Variants in ADGRL3 observed in about 807,000 individuals in gnomAD.
The protein encoded by ADGRL3 is adhesion G protein-coupled receptor L3.
In ADGRL3, 62 loss-of-function variants were observed where a neutral mutation model predicts 153.5. The ratio of observed to expected loss-of-function variants is 0.40; its 90% CI spans 0.33 to 0.50. The LOEUF is 0.50. Ranked by LOEUF, ADGRL3 falls within the 20% of genes least tolerant of loss-of-function variation. The probability of loss-of-function intolerance (pLI) is 0.47; values close to 1 mark genes in which losing one functional copy is unlikely to be tolerated. For missense variants in ADGRL3, 1,641 were observed against 1,859.4 expected (o/e 0.88, Z 2.16); for synonymous variants, 710 against 672.5 (o/e 1.06, Z -0.86).
intron 8 of ADGRL3, among the ~76,000 whole-genome samples, chr4:61,754,699 A>T (rs144720135): frequency 0.021 from 3,218 of 152,200 alleles, 49 homozygotes; most frequent in East Asian, 0.097. Flanking sequence ...TACATGTGCC[A>T]TGTTGGTGCG....
intron 9 of ADGRL3, among the ~76,000 whole-genome samples, chr4:61,859,956 G>T (rs1206543783): frequency 6.6e-6 from 1 of 152,028 alleles, no homozygotes; most frequent in Non-Finnish European, 1.5e-5. Flanking sequence ...CTGCTTTTAG[G>T]TTGACAAAAT....
intron 5 of ADGRL3, among the ~76,000 whole-genome samples, chr4:61,608,487 G>T (rs1425588033): frequency 6.6e-6 from 1 of 151,944 alleles, no homozygotes; most frequent in African/African-American, 2.4e-5. Flanking sequence ...TATTAGAAAT[G>T]CAAAAGGAAA....
intron 23 of ADGRL3, among the ~76,000 whole-genome samples, chr4:62,036,909 A>C (rs940772396): frequency 6.6e-6 from 1 of 152,056 alleles, no homozygotes; most frequent in Admixed American, 6.6e-5. Context: ...GGCGGTAATA[A>C]AAATTTTAGA....
intron 9 of ADGRL3, among the ~76,000 whole-genome samples, chr4:61,876,889 A>G (rs1218237570): frequency 6.2e-5 from 9 of 146,190 alleles, no homozygotes; most frequent in South Asian, 2.2e-4. Context: ...TTACTTTCTC[A>G]ATAAACTTGC....
chr4:61,835,153 CAG>C (rs2097916762), intron 9 of ADGRL3, among the ~76,000 whole-genome samples: 1 of 151,936 alleles, frequency 6.6e-6, no homozygotes, highest in Admixed American at 6.6e-5. Context: ...CAAAACAGAA[CAG>C]AGTCTTAGAT....
chr4:61,716,383 A>G (rs1419564931), intron 6 of ADGRL3, among the ~76,000 whole-genome samples: 2 of 152,138 alleles, frequency 1.3e-5, no homozygotes, highest in East Asian at 3.8e-4. Context: ...AGGGGTAGAA[A>G]AAAAGAAAAT....
intron 2 of ADGRL3, among the ~76,000 whole-genome samples, chr4:61,423,866 A>G (rs2097242296): frequency 6.6e-6 from 1 of 152,198 alleles, no homozygotes; most frequent in Admixed American, 6.5e-5. Context: ...CCATGGAAGG[A>G]GCACAGAGTA....
At chr4:61,389,443 G>A (rs1318337322) in intron 2 of ADGRL3, among the ~76,000 whole-genome samples, 1 of 152,108 alleles carries the variant, frequency 6.6e-6, no homozygotes, top group African/African-American at 2.4e-5. Context: ...CAGTAACGAT[G>A]TAATGTCTTC....
At chr4:61,975,883 A>G (rs2150744343) in intron 17 of ADGRL3, among the ~76,000 whole-genome samples, 1 of 152,254 alleles carries the variant, frequency 6.6e-6, no homozygotes, top group Admixed American at 6.5e-5. Flanking sequence ...AAACAGAAGG[A>G]AGAGCAGATT....
intron 2 of ADGRL3, among the ~76,000 whole-genome samples, chr4:61,456,430 T>G (rs2097750964): frequency 3.0e-5 from 1 of 33,422 alleles, no homozygotes; most frequent in Non-Finnish European, 8.0e-5. Context: ...TATCTATATC[T>G]ATATATATAG....
At chr4:61,570,998 G>A (rs1297251880) in intron 4 of ADGRL3, among the ~76,000 whole-genome samples, 2 of 151,344 alleles carry the variant, frequency 1.3e-5, no homozygotes, top group East Asian at 1.9e-4. Flanking sequence ...TTAATGGGGG[G>A]TTGCTCAAAT....
At chr4:61,235,810 C>A (rs1490252626) in intron 1 of ADGRL3, among the ~76,000 whole-genome samples, 1 of 152,072 alleles carries the variant, frequency 6.6e-6, no homozygotes, top group Non-Finnish European at 1.5e-5. Context: ...CTGAAGCCAG[C>A]TTTTAGGAAG....
At chr4:62,018,655 G>C (rs527405761) in intron 21 of ADGRL3, among the ~76,000 whole-genome samples, 1 of 152,140 alleles carries the variant, frequency 6.6e-6, no homozygotes, top group Non-Finnish European at 1.5e-5. Flanking sequence ...ACAAGTAGGA[G>C]CCCAGCTGGG....
At chr4:61,360,507 C>T (rs1042019715) in intron 1 of ADGRL3, among the ~76,000 whole-genome samples, 7 of 151,988 alleles carry the variant, frequency 4.6e-5, no homozygotes, top group Admixed American at 3.3e-4. Flanking sequence ...AAAAAAATTC[C>T]GGCAAGTTAT....
intron 9 of ADGRL3, among the ~76,000 whole-genome samples, chr4:61,822,115 A>G (rs1205152570): frequency 1.3e-5 from 2 of 152,226 alleles, no homozygotes; most frequent in African/African-American, 4.8e-5. Context: ...TAAATTCCCT[A>G]GTTTTACCTA....
chr4:61,517,406 G>A lies in ADGRL3; in HGVS notation c.147G>A (p.Leu49=), dbSNP rs760308321. 1.6e-5 allele frequency: 12 copies of A among 762,618 alleles called. No homozygotes were observed. Among genetic ancestry groups the A allele is most frequent in the Middle Eastern group, 2.4e-4 (1 of 4,152 alleles). 47.2% of individuals were successfully genotyped at this position (762,618 alleles called of 1,614,324 possible). Residue 49 remains leucine (L), a synonymous_variant, in exon 4 of 27, where the codon CTG becomes CTA. Transcript: ENST00000683033. Reference sequence around the variant, plus strand: ...GAGGCGCTCTTCCACCCAGACATCTGCTTCAGCAGCCAGCTGCAGAGCGCA... The same window carrying A: ...GAGGCGCTCTTCCACCCAGACATCTACTTCAGCAGCCAGCTGCAGAGCGCA... ...SPGGALPPRH[L]LQQPAAERTA...
intron 6 of ADGRL3, among the ~76,000 whole-genome samples, chr4:61,727,296 G>C (rs2096365489): frequency 6.6e-6 from 1 of 152,038 alleles, no homozygotes; most frequent in Non-Finnish European, 1.5e-5. Context: ...TATAGCTTAT[G>C]ACATTAAGTT....
chr4:61,369,344 G>C (rs1000388068), intron 1 of ADGRL3, among the ~76,000 whole-genome samples: 4 of 152,290 alleles, frequency 2.6e-5, no homozygotes, highest in East Asian at 1.9e-4. Flanking sequence ...TTTGCCCATT[G>C]AGTATGAGAT....
intron 9 of ADGRL3, among the ~76,000 whole-genome samples, chr4:61,845,145 T>C (rs988709008): frequency 6.6e-6 from 1 of 152,204 alleles, no homozygotes; most frequent in Non-Finnish European, 1.5e-5. Context: ...ATTTTTGTTT[T>C]CAAAGTCTGT....
Sources: allele counts gnomAD v4.1 joint callset (sites outside exome capture counted in the v4.1 genomes callset), GRCh38; gene constraint gnomAD v4.1.1; transcripts MANE v1.5; gene names NCBI Gene and HGNC (gene_info 2026-07-23, HGNC 2026-07-21).